RAB8B: variants seen among roughly 807,000 people sequenced by gnomAD.
RAB8B encodes ras-related protein Rab-8B.
A neutral mutation model predicts 32.0 loss-of-function variants in RAB8B; 11 were observed. The observed-to-expected ratio is 0.34, with a 90% CI of 0.22 to 0.57. RAB8B has a LOEUF of 0.57. RAB8B is among the 20% of genes least tolerant of loss of function. The probability of loss-of-function intolerance (pLI) is 0.86; values close to 1 mark genes in which losing one functional copy is unlikely to be tolerated. For synonymous variants in RAB8B, 103 were observed against 89.6 expected, an observed-to-expected ratio of 1.15 and a Z score of -0.85; for missense variants, 190 against 258.5, an observed-to-expected ratio of 0.73 and a Z score of 1.82.
At chr15:63,206,572 T>G (rs986383163) in intron 1 of RAB8B, among the ~76,000 whole-genome samples, 2 of 152,172 alleles carry the variant, frequency 1.3e-5, no homozygotes, top group African/African-American at 4.8e-5. Flanking sequence ...TTGGTATGCT[T>G]GATGTAATAA....
intron 3 of RAB8B, among the ~76,000 whole-genome samples, chr15:63,250,085 G>A (rs12594552): frequency 0.36 from 54,350 of 152,092 alleles, 11,772 homozygotes; most frequent in Non-Finnish European, 0.5. Flanking sequence ...GCAGTGAGCC[G>A]AGATTGCGCC....
At chr15:63,246,213 T>A (rs2038070937) in intron 2 of RAB8B, among the ~76,000 whole-genome samples, 1 of 152,238 alleles carries the variant, frequency 6.6e-6, no homozygotes, top group Non-Finnish European at 1.5e-5. Context: ...TGTCTACATT[T>A]TGACTGTGAC....
rs2038228706 is a variant in RAB8B at position 63,264,322 on chromosome 15, A to G, written c.*703A>G. On this transcript the variant is annotated 3_prime_UTR_variant, in exon 8 of 8. Transcript: ENST00000321437. ...ATAGAAACTGCATTTGGAAATCACC[A>G]TAATCTCATTTTTCCCTGGGGTTTG... 4.6e-5 allele frequency: 7 copies of G among 152,196 alleles called. No individual in the cohort carries two copies. Among genetic ancestry groups the G allele is most frequent in the African/African-American group, 1.4e-4 (6 of 41,444 alleles). The allele number at this position is 152,196 out of a possible 1,614,324, so 9.4% of individuals were successfully genotyped here.
intron 1 of RAB8B, among the ~76,000 whole-genome samples, chr15:63,202,286 A>AG (rs1384527699): frequency 5.0e-5 from 5 of 100,668 alleles, no homozygotes; most frequent in African/African-American, 1.7e-4. Flanking sequence ...TCAAAAAGAA[A>AG]AAAGAAAAAA....
intron 1 of RAB8B, among the ~76,000 whole-genome samples, chr15:63,191,950 T>G (rs970065622): frequency 4.6e-5 from 7 of 152,192 alleles, no homozygotes; most frequent in Non-Finnish European, 7.3e-5. Context: ...GGAAATGAGG[T>G]TCTTTGGAGG....
intron 1 of RAB8B, among the ~76,000 whole-genome samples, chr15:63,230,711 T>G (rs1420554350): frequency 6.6e-6 from 1 of 152,020 alleles, no homozygotes; most frequent in Non-Finnish European, 1.5e-5. Flanking sequence ...TATTATTATT[T>G]TAGAGACAGG....
intron 1 of RAB8B, among the ~76,000 whole-genome samples, chr15:63,230,573 A>G (rs1289970987): frequency 3.9e-5 from 6 of 152,214 alleles, no homozygotes; most frequent in African/African-American, 1.4e-4. Context: ...AAATGCTGGG[A>G]TTACAGGCGT....
intron 1 of RAB8B, 41 bp downstream of exon 1, chr15:63,189,789 G>A: frequency 7.0e-7 from 1 of 1,435,954 alleles, no homozygotes; most frequent in Non-Finnish European, 9.3e-7. Context: ...TAGAGAATTG[G>A]GGGGCGGGTA....
chr15:63,259,840 ATT>A lies in RAB8B; in HGVS notation c.480+160_480+161del, dbSNP rs770801633. On this transcript the variant is annotated intron_variant, in intron 6 of 7. Coordinates refer to ENST00000321437, the MANE Select transcript of RAB8B (RefSeq NM_016530.3). The surrounding 1 kb of genome is among the most constrained non-coding windows in gnomAD (Gnocchi z 4.4). ...TACTTTGTACACTTTTGTGCTTCTGATTTTTTTTTTTTTGAGATGGAGTCTCA... is the reference window on the plus strand; with the variant it reads ...TACTTTGTACACTTTTGTGCTTCTGATTTTTTTTTTTGAGATGGAGTCTCA... 935 of 528,102 alleles carry A rather than the reference ATT, an allele frequency of 1.8e-3. No homozygotes were observed. Among genetic ancestry groups the A allele is most frequent in the East Asian group, 2.5e-3 (67 of 26,850 alleles). 32.7% of individuals were successfully genotyped at this position (528,102 alleles called of 1,614,324 possible). A position where few individuals can be genotyped will look rare whatever the true frequency, so the allele number is the denominator to read the frequency against.
intron 1 of RAB8B, among the ~76,000 whole-genome samples, chr15:63,227,816 T>A (rs2037901350): frequency 1.3e-5 from 2 of 152,250 alleles, no homozygotes; most frequent in South Asian, 4.1e-4. Context: ...TTTGTCTGTG[T>A]GGGAATTCAC....
At chr15:63,222,339 G>A (rs1188796794) in intron 1 of RAB8B, among the ~76,000 whole-genome samples, 1 of 152,146 alleles carries the variant, frequency 6.6e-6, no homozygotes, top group Non-Finnish European at 1.5e-5. Context: ...CTTAGGGGTG[G>A]TAGTGGCTCC....
intron 1 of RAB8B, among the ~76,000 whole-genome samples, chr15:63,214,286 C>CTTTTTTTTTTT (rs34415858): frequency 4.2e-5 from 4 of 95,642 alleles, no homozygotes; most frequent in Non-Finnish European, 6.2e-5. Flanking sequence ...CAGTTTCTTT[C>CTTTTTTTTTTT]TTTTTTTTTT....
chr15:63,214,360 C>T (rs1370548609), intron 1 of RAB8B, among the ~76,000 whole-genome samples: 1 of 138,960 alleles, frequency 7.2e-6, no homozygotes, highest in African/African-American at 2.7e-5. Context: ...GCCATGATCT[C>T]GGCTCACTGT....
chr15:63,239,945 G>C (rs1214524266), intron 1 of RAB8B, among the ~76,000 whole-genome samples: 1 of 152,108 alleles, frequency 6.6e-6, no homozygotes, highest in Admixed American at 6.5e-5. Flanking sequence ...TTGAGGCAGA[G>C]CTGAGGAGAG....
chr15:63,204,076 A>G (rs1048250054), intron 1 of RAB8B, among the ~76,000 whole-genome samples: 1 of 152,098 alleles, frequency 6.6e-6, no homozygotes, highest in Non-Finnish European at 1.5e-5. Flanking sequence ...GCTCAGTATA[A>G]GGTGAGGTGT....
At position 63,244,933 on chromosome 15, in the gene RAB8B, G is replaced by A. The variant is rs561076513; in HGVS notation, c.185+117G>A. 64 of 828,514 alleles carry A rather than the reference G, an allele frequency of 7.7e-5. No individual in the cohort carries two copies. The East Asian group carries it at 1.0e-3, about 13-fold the overall frequency. The allele number at this position is 828,514 out of a possible 1,614,324, so 51.3% of individuals were successfully genotyped here. ...ATAGCTAAAACATCTTTTCTTTATC[G>A]GAACCAAGGGGAAATAAGTAAGCAC... On this transcript the variant is annotated intron_variant, in intron 2 of 7. Coordinates refer to ENST00000321437, the MANE Select transcript of RAB8B (RefSeq NM_016530.3).
rs575322706 is a variant in RAB8B at position 63,193,718 on chromosome 15, G to C, written c.124+3970G>C. The stretch of plus-strand genomic sequence containing the variant: ...CCCAGCTACTTGGGAGGCTGAGGCA[G>C]GAGAATGGCGTGAACCTGGGAGGCC... On this transcript the variant is annotated intron_variant, in intron 1 of 7. Coordinates refer to ENST00000321437, the MANE Select transcript of RAB8B (RefSeq NM_016530.3). 6.6e-5 allele frequency among the ~76,000 whole-genome samples: 10 copies of C among 152,266 alleles called. No homozygotes were observed. In the South Asian group the frequency reaches 1.7e-3, roughly 25 times the overall value.
chr15:63,204,425 A>G (rs2037680308), intron 1 of RAB8B, among the ~76,000 whole-genome samples: 2 of 152,090 alleles, frequency 1.3e-5, no homozygotes, highest in Non-Finnish European at 2.9e-5. Context: ...TTGAATTCCT[A>G]CTTTGGGTGA....
At chr15:63,210,447 T>G (rs1321553330) in intron 1 of RAB8B, among the ~76,000 whole-genome samples, 4 of 152,338 alleles carry the variant, frequency 2.6e-5, no homozygotes, top group Middle Eastern at 3.4e-3. Context: ...CCTAAAATCT[T>G]TTGTTACTGA....
Sources: gnomAD v4.1 joint callset for allele counts (sites outside exome capture counted in the v4.1 genomes callset) on GRCh38, gnomAD v4.1.1 for gene constraint, Gnocchi (gnomAD v3.1) non-coding constraint, MANE v1.5 for transcripts, NCBI Gene and HGNC (gene_info 2026-07-23, HGNC 2026-07-21) for gene names.